Variants in PTCSC3 observed in about 807,000 individuals in gnomAD.
PTCSC3 encodes papillary thyroid carcinoma susceptibility candidate 3 (non-protein coding).
At position 36,144,224 on chromosome 14, in the gene PTCSC3, C is replaced by T. The variant is rs897930293; in HGVS notation, n.323-7868G>A. 3.0e-3 allele frequency among the ~76,000 whole-genome samples: 456 copies of T among 149,520 alleles called. 4 individuals are homozygous for T. Among genetic ancestry groups the T allele is most frequent in the African/African-American group, 0.011 (430 of 40,644 alleles). On this transcript the variant is annotated intron_variant and non_coding_transcript_variant, in intron 3 of 3. Transcript: ENST00000556013. The stretch of plus-strand genomic sequence containing the variant: ...GGCATTGGTAGCTTGATGGGGATGG[C>T]GTTGAATCTGTAAATTACCTTGGGC...
At chr14:36,172,481 AAC>A (rs1882209245) in intron 1 of PTCSC3, among the ~76,000 whole-genome samples, 1 of 152,130 alleles carries the variant, frequency 6.6e-6, no homozygotes. Context: ...AAATAACTCT[AAC>A]TACCAGAGCC....
chr14:36,157,064 C>G (rs1881845795), intron 2 of PTCSC3, among the ~76,000 whole-genome samples: 1 of 152,200 alleles, frequency 6.6e-6, no homozygotes, highest in East Asian at 1.9e-4. Context: ...TCCACATCCT[C>G]TCCAGCATCT....
chr14:36,155,791 T>A (rs1194785361), intron 2 of PTCSC3, among the ~76,000 whole-genome samples: 2 of 152,158 alleles, frequency 1.3e-5, no homozygotes, highest in Non-Finnish European at 2.9e-5. Context: ...ATAACCAAAT[T>A]GGTGAAAGGG....
At chr14:36,169,478 A>G (rs1204106435) in intron 1 of PTCSC3, among the ~76,000 whole-genome samples, 2 of 152,098 alleles carry the variant, frequency 1.3e-5, no homozygotes, top group Non-Finnish European at 2.9e-5. Context: ...CAAACTGTCT[A>G]TTTCTGGCAA....
chr14:36,139,593 A>G (rs780211954), intron 3 of PTCSC3, among the ~76,000 whole-genome samples: 2 of 152,152 alleles, frequency 1.3e-5, no homozygotes, highest in Non-Finnish European at 2.9e-5. Flanking sequence ...ATGTGTATCT[A>G]TGAATATAGA....
intron 3 of PTCSC3, among the ~76,000 whole-genome samples, chr14:36,139,921 C>G (rs1389834019): frequency 6.6e-6 from 1 of 152,122 alleles, no homozygotes; most frequent in Non-Finnish European, 1.5e-5. Context: ...TATCAGGTAT[C>G]CACCATTACA....
chr14:36,149,381 T>A (rs1485569880), intron 3 of PTCSC3, among the ~76,000 whole-genome samples: 1 of 152,188 alleles, frequency 6.6e-6, no homozygotes, highest in Non-Finnish European at 1.5e-5. Context: ...TTATTACAGA[T>A]GTTTTTATGG....
At position 36,156,441 on chromosome 14, in the gene PTCSC3, T is replaced by A. The variant is rs114202605; in HGVS notation, n.232-2547A>T. On this transcript the variant is annotated intron_variant and non_coding_transcript_variant, in intron 2 of 3. Coordinates refer to ENST00000556013, the Ensembl canonical transcript of PTCSC3. Reference sequence around the variant, plus strand: ...TTACTTGTCACTCATCTTCATTCATTCCTTTTTCTTTTTCAAATTATACTC... The same window carrying A: ...TTACTTGTCACTCATCTTCATTCATACCTTTTTCTTTTTCAAATTATACTC... Among the ~76,000 whole-genome samples the A allele has an allele frequency of 6.2e-3, 930 of 150,424 alleles. 7 individuals carry two copies. Among genetic ancestry groups the A allele is most frequent in the Middle Eastern group, 0.039 (11 of 280 alleles).
At chr14:36,162,946 A>C (rs906480421) in intron 1 of PTCSC3, among the ~76,000 whole-genome samples, 1 of 152,204 alleles carries the variant, frequency 6.6e-6, no homozygotes, top group Non-Finnish European at 1.5e-5. Context: ...ATTTCCATAA[A>C]AACAAAAATG....
At chr14:36,160,376 T>C (rs1215037544) in intron 2 of PTCSC3, among the ~76,000 whole-genome samples, 5 of 152,208 alleles carry the variant, frequency 3.3e-5, no homozygotes, top group Non-Finnish European at 4.4e-5. Flanking sequence ...TGTTGTTCCT[T>C]ATCATGTTTT....
downstream of PTCSC3, among the ~76,000 whole-genome samples, chr14:36,135,245 A>T (rs1018845103): frequency 7.9e-5 from 12 of 152,204 alleles, no homozygotes; most frequent in Non-Finnish European, 1.8e-4. Context: ...AAAAGGAAGC[A>T]TATCTTAATA....
chr14:36,156,134 G>A (rs184719200), intron 2 of PTCSC3, among the ~76,000 whole-genome samples: 1 of 152,184 alleles, frequency 6.6e-6, no homozygotes, highest in Non-Finnish European at 1.5e-5. Flanking sequence ...TGTGGGTTCT[G>A]CCTGGTAAGT....
chr14:36,148,529 C>T (rs193181589), intron 3 of PTCSC3, among the ~76,000 whole-genome samples: 1 of 152,228 alleles, frequency 6.6e-6, no homozygotes, highest in Non-Finnish European at 1.5e-5. Context: ...GGCTAGCGTG[C>T]AGTGTGTGCA....
At chr14:36,139,974 C>G (rs1196314048) in intron 3 of PTCSC3, among the ~76,000 whole-genome samples, 1 of 152,170 alleles carries the variant, frequency 6.6e-6, no homozygotes, top group African/African-American at 2.4e-5. Context: ...GTCCCCTGTG[C>G]TTCACCTATC....
chr14:36,169,431 A>G (rs987639817), intron 1 of PTCSC3, among the ~76,000 whole-genome samples: 1 of 152,088 alleles, frequency 6.6e-6, no homozygotes, highest in African/African-American at 2.4e-5. Flanking sequence ...TTTGAGAGAG[A>G]ATGGAGAAAA....
At chr14:36,140,526 T>C (rs1881395714) in intron 3 of PTCSC3, among the ~76,000 whole-genome samples, 3 of 152,232 alleles carry the variant, frequency 2.0e-5, no homozygotes, top group African/African-American at 7.2e-5. Flanking sequence ...GGTTTTTTGT[T>C]TTAGTCGTTC....
intron 3 of PTCSC3, among the ~76,000 whole-genome samples, chr14:36,151,971 A>C (rs1881733470): frequency 6.6e-6 from 1 of 152,194 alleles, no homozygotes; most frequent in South Asian, 2.1e-4. Context: ...TTTTCATTTC[A>C]TTGTGATTTG....
Position 36,149,958 on chromosome 14 carries a change from T to C in PTCSC3, n.322+3846A>G, listed in dbSNP as rs191901495. ...ATATTTACAGGTTGAACATCCCTAA[T>C]CTGAAAATCTCTCCAGTGAGCATTT... On this transcript the variant is annotated intron_variant and non_coding_transcript_variant, in intron 3 of 3. Transcript: ENST00000556013. Among the ~76,000 whole-genome samples the C allele has an allele frequency of 2.5e-4, 38 of 152,346 alleles. No individual in the cohort carries two copies. In the East Asian group the frequency reaches 6.9e-3, roughly 28 times the overall value.
At chr14:36,156,485 T>C (rs1881828881) in intron 2 of PTCSC3, among the ~76,000 whole-genome samples, 1 of 152,086 alleles carries the variant, frequency 6.6e-6, no homozygotes, top group South Asian at 2.1e-4. Context: ...GGGATACACG[T>C]GCAGAATGTG....
Sources: gnomAD v4.1 joint callset for allele counts (sites outside exome capture counted in the v4.1 genomes callset) on GRCh38, gnomAD v4.1.1 for gene constraint, MANE v1.5 for transcripts, NCBI Gene and HGNC (gene_info 2026-07-23, HGNC 2026-07-21) for gene names.